RPS6KA5: variants seen among roughly 807,000 people sequenced by gnomAD.
The protein encoded by RPS6KA5 is ribosomal protein S6 kinase A5, also known as ribosomal protein S6 kinase alpha-5.
Under a neutral mutation model 85.5 loss-of-function variants are expected in RPS6KA5, and 27 were observed. The observed-to-expected ratio is 0.32, with a 90% confidence interval of 0.23 to 0.44. The LOEUF (loss-of-function observed/expected upper bound fraction) is 0.44, where lower values mean the gene tolerates loss of function less well. Among genes scored for constraint, RPS6KA5 ranks in the 20% least tolerant of loss-of-function variants. The pLI is 1.00. For synonymous variants in RPS6KA5, 334 were observed against 348.2 expected, an observed-to-expected ratio of 0.96 and a Z score of 0.46; for missense variants, 811 against 980.9, an observed-to-expected ratio of 0.83 and a Z score of 2.31.
intron 2 of RPS6KA5, 131 bp downstream of exon 2, chr14:91,000,957 C>G: frequency 1.8e-6 from 1 of 570,556 alleles, no homozygotes. Flanking sequence ...TGTTCATGTT[C>G]TTTGACAGTT....
intron 1 of RPS6KA5, among the ~76,000 whole-genome samples, chr14:91,023,082 T>TTAA (rs1555378880): frequency 3.1e-5 from 3 of 96,470 alleles, no homozygotes; most frequent in African/African-American, 4.1e-5. Flanking sequence ...AAACTCTATC[T>TTAA]AAAAAAAAAA....
chr14:90,960,000 T>C (rs755527532), intron 3 of RPS6KA5, among the ~76,000 whole-genome samples: 6 of 152,170 alleles, frequency 3.9e-5, no homozygotes, highest in Non-Finnish European at 7.4e-5. Context: ...CACCACCAAC[T>C]TGATCATGCC....
chr14:91,013,520 G>A (rs1441110333), intron 1 of RPS6KA5, among the ~76,000 whole-genome samples: 1 of 151,094 alleles, frequency 6.6e-6, no homozygotes, highest in African/African-American at 2.4e-5. Context: ...CAAAACAACA[G>A]AGAACATGGC....
At chr14:90,914,074 G>A (rs980929022) in intron 7 of RPS6KA5, among the ~76,000 whole-genome samples, 2 of 152,078 alleles carry the variant, frequency 1.3e-5, no homozygotes, top group Admixed American at 6.5e-5. Context: ...TTCCTTTCAC[G>A]GCCCTTTCCA....
intron 4 of RPS6KA5, among the ~76,000 whole-genome samples, chr14:90,945,441 A>G (rs979892808): frequency 6.6e-6 from 1 of 152,254 alleles, no homozygotes; most frequent in Non-Finnish European, 1.5e-5. Context: ...AGATTTTAGA[A>G]ACAAATAATT....
intron 7 of RPS6KA5, among the ~76,000 whole-genome samples, chr14:90,909,117 C>T (rs2035666206): frequency 6.6e-6 from 1 of 152,180 alleles, no homozygotes; most frequent in Non-Finnish European, 1.5e-5. Flanking sequence ...CAATCTGAAC[C>T]CTAGACCACT....
At chr14:91,057,371 A>G (rs1045118717) in intron 1 of RPS6KA5, among the ~76,000 whole-genome samples, 2 of 152,188 alleles carry the variant, frequency 1.3e-5, no homozygotes, top group Non-Finnish European at 2.9e-5. Context: ...ATTCTCATGC[A>G]TTCAGTGAAT....
chr14:91,019,461 T>C (rs1046381297), intron 1 of RPS6KA5, among the ~76,000 whole-genome samples: 13 of 152,178 alleles, frequency 8.5e-5, no homozygotes, highest in Non-Finnish European at 7.3e-5. Context: ...GATTCTACAG[T>C]AGAAGGTCTC....
chr14:90,932,989 T>C (rs573995902), intron 5 of RPS6KA5, among the ~76,000 whole-genome samples: 22 of 152,250 alleles, frequency 1.4e-4, no homozygotes, highest in Admixed American at 3.9e-4. Context: ...TTCACAGAAT[T>C]TCACTATTCC....
rs1410237393 is a variant in RPS6KA5 at position 90,854,977 on chromosome 14, A to G, written c.*17097T>C. On this transcript the variant is annotated 3_prime_UTR_variant, in exon 17 of 17. Coordinates refer to ENST00000614987, the MANE Select transcript of RPS6KA5 (RefSeq NM_004755.4). ...AGAAACAATCTTATTTACATTTTCT[A>G]TAAAAGTATTTTGAAGTTTTAAAAG... The G allele has an allele frequency of 2.0e-5, 3 of 152,242 alleles. No homozygotes were observed. The highest frequency in any genetic ancestry group is 4.4e-5 in the Non-Finnish European group (3 of 68,036). 9.4% of individuals were successfully genotyped at this position (152,242 alleles called of 1,614,324 possible).
At chr14:90,997,918 C>G (rs1186601198) in intron 2 of RPS6KA5, among the ~76,000 whole-genome samples, 1 of 144,594 alleles carries the variant, frequency 6.9e-6, no homozygotes, top group Non-Finnish European at 1.5e-5. Context: ...GAGGCTGAGG[C>G]AGGGGAATTA....
chr14:90,922,174 A>C (rs2036430370), intron 6 of RPS6KA5, among the ~76,000 whole-genome samples: 1 of 152,220 alleles, frequency 6.6e-6, no homozygotes, highest in African/African-American at 2.4e-5. Context: ...GGAAAGTTAA[A>C]GGCAGAAACT....
chr14:91,016,725 C>G, intron 1 of RPS6KA5, among the ~76,000 whole-genome samples: 1 of 152,066 alleles, frequency 6.6e-6, no homozygotes, highest in Non-Finnish European at 1.5e-5. Flanking sequence ...GAAAAACGAC[C>G]AGACATCGGA....
At chr14:90,977,344 C>A (rs1323201742) in intron 3 of RPS6KA5, among the ~76,000 whole-genome samples, 1 of 152,180 alleles carries the variant, frequency 6.6e-6, no homozygotes, top group Non-Finnish European at 1.5e-5. Flanking sequence ...GAAGCACTGC[C>A]ATTTCTCTAG....
chr14:90,987,324 T>C lies in RPS6KA5; in HGVS notation c.176-8800A>G, dbSNP rs535564243. Among the ~76,000 whole-genome samples the C allele has an allele frequency of 3.3e-5, 5 of 152,302 alleles. No individual in the cohort carries two copies. The South Asian group carries it at 1.0e-3, about 32-fold the overall frequency. On this transcript the variant is annotated intron_variant, in intron 2 of 16. Transcript: ENST00000614987. ...AGTCATCATACTTTTTAAAACACTC[T>C]TTTAAATGACTCAACCAAAGTATTT...
At chr14:91,030,333 T>C (rs970141266) in intron 1 of RPS6KA5, among the ~76,000 whole-genome samples, 4 of 151,996 alleles carry the variant, frequency 2.6e-5, no homozygotes, top group African/African-American at 7.3e-5. Flanking sequence ...CAGAATAATA[T>C]ATAAGTCTAC....
intron 5 of RPS6KA5, among the ~76,000 whole-genome samples, chr14:90,931,511 G>A (rs1403365691): frequency 6.6e-6 from 1 of 151,728 alleles, no homozygotes; most frequent in Non-Finnish European, 1.5e-5. Context: ...GGCAATTTTT[G>A]TTTTGTGTTT....
At chr14:90,948,332 CT>C (rs1438446324) in intron 3 of RPS6KA5, among the ~76,000 whole-genome samples, 8 of 152,150 alleles carry the variant, frequency 5.3e-5, no homozygotes, top group African/African-American at 1.7e-4. Context: ...ATGTTAGAAA[CT>C]GCTCAAAATC....
intron 7 of RPS6KA5, among the ~76,000 whole-genome samples, chr14:90,912,607 G>A (rs900580841): frequency 1.3e-5 from 2 of 152,178 alleles, no homozygotes; most frequent in African/African-American, 2.4e-5. Context: ...CAGGTGAACG[G>A]TGCTGTTGAT....
Sources: gnomAD v4.1 joint callset for allele counts (sites outside exome capture counted in the v4.1 genomes callset) on GRCh38, gnomAD v4.1.1 for gene constraint, MANE v1.5 for transcripts, NCBI Gene and HGNC (gene_info 2026-07-23, HGNC 2026-07-21) for gene names.